Variants in GABRA5 observed in about 807,000 individuals in gnomAD.
GABRA5 encodes the protein gamma-aminobutyric acid receptor subunit alpha-5.
A neutral mutation model predicts 47.3 loss-of-function variants in GABRA5; 18 were observed. That is an observed-to-expected ratio of 0.38 (90% CI 0.26 to 0.56). GABRA5 has a LOEUF of 0.56. Among genes scored for constraint, GABRA5 ranks in the 20% least tolerant of loss-of-function variants. GABRA5 has a pLI of 0.71. For synonymous variants in GABRA5, 237 were observed against 229.3 expected (o/e 1.03, Z -0.30); for missense variants, 365 against 599.3 (o/e 0.61, Z 4.08).
chr15:26,922,726 C>T (rs12899754), intron 7 of GABRA5, among the ~76,000 whole-genome samples: 3 of 151,868 alleles, frequency 2.0e-5, no homozygotes, highest in African/African-American at 7.3e-5. Flanking sequence ...TGCTGTATAG[C>T]TTTTTCAGTG....
intron 9 of GABRA5, among the ~76,000 whole-genome samples, chr15:26,941,394 T>C (rs1169923905): frequency 6.6e-6 from 1 of 152,056 alleles, no homozygotes; most frequent in Non-Finnish European, 1.5e-5. Context: ...TTTAAGATCA[T>C]GCATAGAACA....
At chr15:26,931,777 A>G (rs1894113690) in intron 7 of GABRA5, among the ~76,000 whole-genome samples, 1 of 152,222 alleles carries the variant, frequency 6.6e-6, no homozygotes, top group Non-Finnish European at 1.5e-5. Context: ...GGAAAACAGA[A>G]CAAAACACAA....
intron 3 of GABRA5, among the ~76,000 whole-genome samples, chr15:26,875,115 C>G (rs369107708): frequency 1.8e-4 from 28 of 152,332 alleles, no homozygotes; most frequent in African/African-American, 6.0e-4. Flanking sequence ...AATTGCCAAC[C>G]TATGCCAAAT....
At chr15:26,886,407 C>A (rs1051304997) in intron 6 of GABRA5, among the ~76,000 whole-genome samples, 2 of 152,154 alleles carry the variant, frequency 1.3e-5, no homozygotes, top group African/African-American at 4.8e-5. Flanking sequence ...GAGTTAGTGT[C>A]ATTCCTTACA....
chr15:26,872,016 A>G (rs993583180), intron 3 of GABRA5, among the ~76,000 whole-genome samples: 4 of 152,196 alleles, frequency 2.6e-5, no homozygotes, highest in Admixed American at 2.6e-4. Flanking sequence ...GTTTCTAGCA[A>G]AGCGGGAAGC....
At chr15:26,940,778 A>G (rs145974135) in intron 9 of GABRA5, among the ~76,000 whole-genome samples, 1 of 152,172 alleles carries the variant, frequency 6.6e-6, no homozygotes, top group Admixed American at 6.5e-5. Flanking sequence ...CATCCCTAAG[A>G]CATAAACTAA....
At chr15:26,929,046 TATTTAGTCTATCAC>T (rs959115563) in intron 7 of GABRA5, among the ~76,000 whole-genome samples, 4 of 86,674 alleles carry the variant, frequency 4.6e-5, no homozygotes, top group Non-Finnish European at 1.2e-4. Context: ...GGGACACAGT[TATTTAGTCTATCAC>T]ATTCTTCCCC....
chr15:26,874,122 G>C (rs189751566), intron 3 of GABRA5, among the ~76,000 whole-genome samples: 58 of 152,192 alleles, frequency 3.8e-4, no homozygotes, highest in Non-Finnish European at 5.4e-4. Context: ...TGGGCTTTCG[G>C]GTTTTTACAA....
chr15:26,946,109 G>T (rs1894504843), intron 10 of GABRA5, among the ~76,000 whole-genome samples: 1 of 152,246 alleles, frequency 6.6e-6, no homozygotes, highest in South Asian at 2.1e-4. Flanking sequence ...GCCTGGTTTT[G>T]GTTCACCTGT....
intron 7 of GABRA5, among the ~76,000 whole-genome samples, chr15:26,931,277 A>G (rs1894101662): frequency 6.6e-6 from 1 of 152,116 alleles, no homozygotes; most frequent in Non-Finnish European, 1.5e-5. Flanking sequence ...ACAGGAATGT[A>G]TTTCTCACAG....
chr15:26,946,149 C>T (rs530899756), intron 10 of GABRA5, among the ~76,000 whole-genome samples: 36 of 151,398 alleles, frequency 2.4e-4, no homozygotes, highest in African/African-American at 7.4e-4. Flanking sequence ...GCCTGCTCCA[C>T]GCTTGGGCTT....
At chr15:26,935,888 A>T (rs1019609645) in intron 7 of GABRA5, among the ~76,000 whole-genome samples, 6 of 152,178 alleles carry the variant, frequency 3.9e-5, no homozygotes, top group Middle Eastern at 3.4e-3. Context: ...TGCTCTGCAC[A>T]CTGTTTAGGT....
chr15:26,929,281 C>A (rs931467017), intron 7 of GABRA5, among the ~76,000 whole-genome samples: 1 of 152,204 alleles, frequency 6.6e-6, no homozygotes, highest in African/African-American at 2.4e-5. Context: ...TAGACATTCC[C>A]ATTCCAAAAG....
rs375945386 is a variant in GABRA5, at chr15:26,869,335, G to A, written c.86+1G>A. ...CCATGAACTTATCCAGTCACTTTGG[G>A]TAAGTTACCATCTGTGCTTTTATTT... On this transcript the variant is annotated splice_donor_variant, in intron 3 of 10. Coordinates refer to ENST00000335625, the MANE Select transcript of GABRA5 (RefSeq NM_000810.4). LOFTEE classifies it high-confidence loss of function. 8.3e-6 allele frequency: 13 copies of A among 1,570,976 alleles called. No homozygotes were observed. Among genetic ancestry groups the A allele is most frequent in the Non-Finnish European group, 1.1e-5 (12 of 1,140,994 alleles).
Position 26,870,992 on chromosome 15 carries a change from G to A in GABRA5, c.86+1658G>A, listed in dbSNP as rs564321449. Among the ~76,000 whole-genome samples the A allele has an allele frequency of 5.3e-5, 8 of 152,282 alleles. No homozygotes were observed. The South Asian group carries it at 1.0e-3, about 20-fold the overall frequency. On this transcript the variant is annotated intron_variant, in intron 3 of 10. Coordinates refer to ENST00000335625, the MANE Select transcript of GABRA5 (RefSeq NM_000810.4). ...GCGGATCGCCTGAGGTCAGGAGTTC[G>A]AGATCAGCCTGGCTGACATGGTGAA...
intron 7 of GABRA5, among the ~76,000 whole-genome samples, chr15:26,923,470 T>G (rs1893887681): frequency 1.3e-5 from 2 of 151,992 alleles, no homozygotes; most frequent in South Asian, 4.2e-4. Context: ...ATTTTTTTTC[T>G]TTATAGGTAA....
chr15:26,933,284 G>A (rs147922861), intron 7 of GABRA5, among the ~76,000 whole-genome samples: 3,420 of 152,198 alleles, frequency 0.022, 113 homozygotes, highest in African/African-American at 0.074. Context: ...GGGGAAAAGA[G>A]GGACGTAATT....
intron 4 of GABRA5, among the ~76,000 whole-genome samples, chr15:26,881,593 C>T (rs1397473300): frequency 1.3e-5 from 2 of 152,220 alleles, no homozygotes; most frequent in East Asian, 1.9e-4. Flanking sequence ...GTGCAATCCC[C>T]TTGGCTCTAC....
intron 3 of GABRA5, among the ~76,000 whole-genome samples, chr15:26,870,032 A>G (rs532993191): frequency 7.2e-4 from 109 of 152,146 alleles, no homozygotes; most frequent in Non-Finnish European, 1.1e-3. Flanking sequence ...TCCTGTTCTG[A>G]CCCGTGCCCT....
Sources: allele counts gnomAD v4.1 joint callset (sites outside exome capture counted in the v4.1 genomes callset), GRCh38; gene constraint gnomAD v4.1.1; transcripts MANE v1.5; gene names NCBI Gene and HGNC (gene_info 2026-07-23, HGNC 2026-07-21).